Variants in ATP8A2 observed in about 807,000 individuals in gnomAD.
The protein encoded by ATP8A2 is ATPase phospholipid transporting 8A2, also known as phospholipid-transporting ATPase IB.
Under a neutral mutation model 165.6 loss-of-function variants are expected in ATP8A2, and 100 were observed. That is an observed-to-expected ratio of 0.60 (90% CI 0.51 to 0.71). The LOEUF is 0.71. ATP8A2 is among the 30% of genes least tolerant of loss of function. The pLI, the probability that ATP8A2 is intolerant of heterozygous loss-of-function variation, is 0.00. For missense variants in ATP8A2, 1,227 were observed against 1,479.5 expected (o/e 0.83, Z 2.80); for synonymous variants, 543 against 548.8 (o/e 0.99, Z 0.15).
intron 2 of ATP8A2, among the ~76,000 whole-genome samples, chr13:25,492,326 G>A (rs945043380): frequency 3.3e-5 from 5 of 152,194 alleles, no homozygotes; most frequent in Non-Finnish European, 7.3e-5. Context: ...AGAGTGCTGG[G>A]ATTACAGGCA....
At chr13:25,693,624 G>A (rs2137879987) in intron 24 of ATP8A2, among the ~76,000 whole-genome samples, 1 of 152,240 alleles carries the variant, frequency 6.6e-6, no homozygotes, top group South Asian at 2.1e-4. Context: ...CAGTAAGGCT[G>A]AATAGCCCAC....
chr13:25,920,058 G>A (rs748953057), intron 33 of ATP8A2, among the ~76,000 whole-genome samples: 1 of 152,178 alleles, frequency 6.6e-6, no homozygotes, highest in Non-Finnish European at 1.5e-5. Context: ...AAAGTGCCAG[G>A]ACTACAGGTG....
chr13:25,504,601 G>A (rs2036967776), intron 2 of ATP8A2, among the ~76,000 whole-genome samples: 1 of 148,490 alleles, frequency 6.7e-6, no homozygotes, highest in South Asian at 2.1e-4. Context: ...TTAGCCGGGC[G>A]TGGTGGCGGG....
chr13:25,880,025 G>A (rs551698068), intron 33 of ATP8A2, among the ~76,000 whole-genome samples: 2 of 152,340 alleles, frequency 1.3e-5, no homozygotes, highest in South Asian at 2.1e-4. Flanking sequence ...TAAAAAGGTA[G>A]GTGGTGAAGA....
At chr13:25,478,870 T>C (rs908743872) in intron 2 of ATP8A2, among the ~76,000 whole-genome samples, 1 of 152,032 alleles carries the variant, frequency 6.6e-6, no homozygotes, top group Non-Finnish European at 1.5e-5. Flanking sequence ...TTTTTTCTTT[T>C]TGGAGTCTTG....
At chr13:25,494,992 T>C (rs889991632) in intron 2 of ATP8A2, among the ~76,000 whole-genome samples, 11 of 152,188 alleles carry the variant, frequency 7.2e-5, no homozygotes, top group African/African-American at 2.2e-4. Context: ...AGATTCTGCT[T>C]CTTAAACTGT....
At chr13:25,378,308 A>C (rs1350878561) in intron 1 of ATP8A2, among the ~76,000 whole-genome samples, 1 of 151,902 alleles carries the variant, frequency 6.6e-6, no homozygotes, top group Non-Finnish European at 1.5e-5. Flanking sequence ...CATGCTAAAA[A>C]GTGATCTAAT....
At chr13:25,638,382 G>A (rs142010263) in intron 24 of ATP8A2, among the ~76,000 whole-genome samples, 1 of 152,182 alleles carries the variant, frequency 6.6e-6, no homozygotes, top group African/African-American at 2.4e-5. Context: ...GAATAGCTAA[G>A]TAGAATAACC....
At position 25,581,946 on chromosome 13, in the gene ATP8A2, C is replaced by T. The variant is rs376458112; in HGVS notation, c.2135C>T (p.Ala712Val). The change falls in exon 23 of 37, where the codon GCG becomes GTG. Residue 712 changes from alanine (A) to valine (V), a missense_variant. Around this residue, in one of 5 missense-constraint regions of ATP8A2, gnomAD observed 592 missense variants for 785.6 expected, o/e 0.75. Transcript: ENST00000381655. Reference protein sequence around the residue: ...WVLTGDKQETAINIGYSCRLV... With the variant: ...WVLTGDKQETVINIGYSCRLV... ...TTGACAGGAGACAAACAAGAAACTGCGATTAATATAGGTAATTATTTTTAC... is the reference window on the plus strand; with the variant it reads ...TTGACAGGAGACAAACAAGAAACTGTGATTAATATAGGTAATTATTTTTAC... 8 of 1,607,934 alleles carry T rather than the reference C, an allele frequency of 5.0e-6. No individual in the cohort carries two copies. The highest frequency in any genetic ancestry group is 1.7e-5 in the Admixed American group (1 of 58,772).
In ATP8A2 at chr13:25,862,364, A is replaced by G; in HGVS notation, c.3139A>G (p.Thr1047Ala). Reference protein sequence around the residue: ...TWLVFFGIYSTIWPTIPIAPD... With the variant: ...TWLVFFGIYSAIWPTIPIAPD... ...GCTGGTGTTTTTTGGCATCTACTCG[A>G]CCATCTGGCCCACCATTCCCATTGC... The change falls in exon 33 of 37, where the codon ACC becomes GCC. Residue 1047 changes from threonine to alanine, a missense_variant. Transcript: ENST00000381655. 6.2e-7 allele frequency: 1 copy of G among 1,614,124 alleles called. No individual in the cohort carries two copies. The highest frequency in any genetic ancestry group is 8.5e-7 in the Non-Finnish European group (1 of 1,179,988).
chr13:25,824,765 A>T (rs925522022), intron 27 of ATP8A2, among the ~76,000 whole-genome samples: 1 of 151,708 alleles, frequency 6.6e-6, no homozygotes, highest in Non-Finnish European at 1.5e-5. Flanking sequence ...TGCCAAGTTG[A>T]TTGTCATTTA....
At chr13:25,817,355 G>T (rs115307294) in intron 27 of ATP8A2, among the ~76,000 whole-genome samples, 9 of 124,668 alleles carry the variant, frequency 7.2e-5, no homozygotes, top group Middle Eastern at 7.9e-3. Flanking sequence ...TTTTATGGGG[G>T]GGGGGGGAAA....
chr13:25,774,231 A>G lies in ATP8A2; in HGVS notation c.2569-618A>G, dbSNP rs145259421. On this transcript the variant is annotated intron_variant, in intron 26 of 36. Coordinates refer to ENST00000381655, the MANE Select transcript of ATP8A2 (RefSeq NM_016529.6). ...ACACCATGGAATACTATGCAGCCAT[A>G]AAAAGGAATGAGATCATATCCTTTG... 4.4e-3 allele frequency among the ~76,000 whole-genome samples: 664 copies of G among 152,356 alleles called. 8 individuals carry two copies. Among genetic ancestry groups the G allele is most frequent in the African/African-American group, 0.015 (608 of 41,580 alleles).
intron 33 of ATP8A2, among the ~76,000 whole-genome samples, chr13:25,882,416 C>A (rs3783123): frequency 6.6e-6 from 1 of 152,180 alleles, no homozygotes; most frequent in Non-Finnish European, 1.5e-5. Flanking sequence ...CATGGTCAGA[C>A]GCAGCCTGTC....
At chr13:25,560,925 T>C (rs912052885) in intron 15 of ATP8A2, among the ~76,000 whole-genome samples, 5 of 151,334 alleles carry the variant, frequency 3.3e-5, no homozygotes, top group South Asian at 2.1e-4. Flanking sequence ...CTCGCTCTGT[T>C]GCCCAGGCTG....
At position 25,399,635 on chromosome 13, in the gene ATP8A2, C is replaced by CTCG. The variant is rs2033560837; in HGVS notation, c.76+27349_76+27351dup. On this transcript the variant is annotated intron_variant, in intron 1 of 36. Coordinates refer to ENST00000381655, the MANE Select transcript of ATP8A2 (RefSeq NM_016529.6). ...GCCGGGATGGTCTCGATCTCCTGACCTCGTGATCCGCCCGCCTCGGCCTCC... is the reference window on the plus strand; with the variant it reads ...GCCGGGATGGTCTCGATCTCCTGACCTCGTCGTGATCCGCCCGCCTCGGCCTCC... Among the ~76,000 whole-genome samples, 5 of 143,040 alleles carry CTCG rather than the reference C, an allele frequency of 3.5e-5. No individual in the cohort carries two copies. In the South Asian group the frequency reaches 1.2e-3, roughly 34 times the overall value. 93.8% of individuals were successfully genotyped at this position (143,040 alleles called of 152,430 possible).
At chr13:25,574,918 G>T in intron 19 of ATP8A2, 61 bp downstream of exon 19, 2 of 950,974 alleles carry the variant, frequency 2.1e-6, no homozygotes, top group Non-Finnish European at 3.3e-6. Context: ...AGCTTCATCA[G>T]AGTGTTTACA....
At chr13:25,860,720 G>T (rs1380678995) in intron 31 of ATP8A2, 84 bp from the exon 32 acceptor site, 2 of 1,071,048 alleles carry the variant, frequency 1.9e-6, no homozygotes, top group South Asian at 1.3e-5. Flanking sequence ...GCTAGTTCTG[G>T]AGTGGAGAGA....
intron 33 of ATP8A2, among the ~76,000 whole-genome samples, chr13:25,895,090 A>AG (rs751051720): frequency 5.9e-5 from 9 of 152,194 alleles, no homozygotes; most frequent in Non-Finnish European, 1.2e-4. Context: ...GAGTGGTGAG[A>AG]GAGGGCATCC....
Sources: gnomAD v4.1 joint callset for allele counts (sites outside exome capture counted in the v4.1 genomes callset) on GRCh38, gnomAD v4.1.1 for gene constraint, gnomAD v4.1.1 regional missense constraint, MANE v1.5 for transcripts, NCBI Gene and HGNC (gene_info 2026-07-23, HGNC 2026-07-21) for gene names.